Variants in ATG7 observed in about 807,000 individuals in gnomAD.
ATG7 encodes the protein autophagy related 7, also known as ubiquitin-like modifier-activating enzyme ATG7.
ATG7 carries 70 observed loss-of-function variants against 82.4 expected under a neutral mutation model. The observed-to-expected ratio is 0.85, with a 90% CI of 0.70 to 1.04. ATG7 has a LOEUF of 1.04. Among genes scored for constraint, ATG7 ranks in the 50% least tolerant of loss-of-function variants. ATG7 has a pLI of 0.00. For missense variants in ATG7, 792 were observed against 864.3 expected (o/e 0.92, Z 1.05); for synonymous variants, 287 against 313.0 (o/e 0.92, Z 0.88).
chr3:11,359,664 C>T (rs1043835412), intron 15 of ATG7, among the ~76,000 whole-genome samples: 2 of 152,040 alleles, frequency 1.3e-5, no homozygotes, highest in African/African-American at 4.8e-5. Flanking sequence ...CCATTGCATT[C>T]CAGCCTGGGC....
chr3:11,525,659 A>G (rs2092561626), intron 20 of ATG7, among the ~76,000 whole-genome samples: 3 of 149,474 alleles, frequency 2.0e-5, no homozygotes, highest in Admixed American at 1.3e-4. Context: ...GGTTCACACC[A>G]TTCTCCTGCC....
In ATG7 at chr3:11,282,278, A is replaced by G. The variant is rs1943200757; in HGVS notation, c.-171A>G. 1 of 152,228 alleles carries G rather than the reference A, an allele frequency of 6.6e-6. No individual in the cohort carries two copies. Among genetic ancestry groups the G allele is most frequent in the Non-Finnish European group, 1.5e-5 (1 of 68,042 alleles). 9.4% of individuals were successfully genotyped at this position (152,228 alleles called of 1,614,324 possible). A position where few individuals can be genotyped will look rare whatever the true frequency, so the allele number is the denominator to read the frequency against. On this transcript the variant is annotated 5_prime_UTR_variant, in exon 3 of 21. Transcript: ENST00000693202. ...GGACACCAGATTGCATGTGAAGGTGAAGGATATTATAGCAGAAGGAAACCA... is the reference window on the plus strand; with the variant it reads ...GGACACCAGATTGCATGTGAAGGTGGAGGATATTATAGCAGAAGGAAACCA...
chr3:11,327,585 C>T (rs545501806), intron 9 of ATG7, among the ~76,000 whole-genome samples: 26 of 152,326 alleles, frequency 1.7e-4, no homozygotes, highest in African/African-American at 6.3e-4. Flanking sequence ...GAAATTGCTG[C>T]AGACAATCAA....
intron 20 of ATG7, among the ~76,000 whole-genome samples, chr3:11,505,576 AC>A (rs1487609176): frequency 1.1e-4 from 17 of 152,226 alleles, no homozygotes; most frequent in Non-Finnish European, 1.3e-4. Context: ...AGCGTCCTTT[AC>A]AAGTCCTTAC....
At chr3:11,575,186 C>T in the ATG7 span, among the ~76,000 whole-genome samples, 1 of 152,126 alleles carries the variant, frequency 6.6e-6, no homozygotes, top group Admixed American at 6.5e-5. Flanking sequence ...CTGCCAATGC[C>T]CGGAGGGTTT....
chr3:11,545,694 T>C (rs1018513610), intron 20 of ATG7, among the ~76,000 whole-genome samples: 1 of 152,234 alleles, frequency 6.6e-6, no homozygotes, highest in African/African-American at 2.4e-5. Flanking sequence ...GGCCTAGCTC[T>C]CCTGGGCGTG....
At chr3:11,471,080 T>TG (rs1233378307) in intron 20 of ATG7, among the ~76,000 whole-genome samples, 1 of 152,114 alleles carries the variant, frequency 6.6e-6, no homozygotes. Context: ...GCCCAGCCCT[T>TG]AGTCTCTGTC....
At chr3:11,534,369 T>G (rs2092749853) in intron 20 of ATG7, among the ~76,000 whole-genome samples, 1 of 152,254 alleles carries the variant, frequency 6.6e-6, no homozygotes, top group Non-Finnish European at 1.5e-5. Context: ...AAGGGCATGA[T>G]GGGCGTCGCC....
At chr3:11,300,642 AT>A (rs1474532339) in intron 5 of ATG7, among the ~76,000 whole-genome samples, 1 of 152,216 alleles carries the variant, frequency 6.6e-6, no homozygotes, top group Non-Finnish European at 1.5e-5. Flanking sequence ...GAGAAAGAGA[AT>A]AAAGATAGTC....
At chr3:11,490,804 C>G (rs1272365302) in intron 20 of ATG7, among the ~76,000 whole-genome samples, 2 of 152,238 alleles carry the variant, frequency 1.3e-5, no homozygotes, top group African/African-American at 4.8e-5. Context: ...TTGGCCCCCA[C>G]TCTCTTCTGG....
At chr3:11,396,118 GAAAAA>G (rs1553641953) in intron 19 of ATG7, among the ~76,000 whole-genome samples, 1 of 144,422 alleles carries the variant, frequency 6.9e-6, no homozygotes, top group Non-Finnish European at 1.5e-5. Flanking sequence ...AGAAGTATAG[GAAAAA>G]AAAAAAAGTA....
At chr3:11,314,975 G>A (rs1474270090) in intron 8 of ATG7, among the ~76,000 whole-genome samples, 1 of 152,104 alleles carries the variant, frequency 6.6e-6, no homozygotes, top group African/African-American at 2.4e-5. Flanking sequence ...TCTCAGTAAA[G>A]CTGTTGAAGA....
At chr3:11,455,440 G>T (rs929372781) in intron 20 of ATG7, among the ~76,000 whole-genome samples, 1 of 152,104 alleles carries the variant, frequency 6.6e-6, no homozygotes, top group East Asian at 1.9e-4. Context: ...GTCCACATTT[G>T]GTGGTCCACT....
downstream of ATG7, chr3:11,558,854 TCAGACACAGGTGGCTGCAGA>T: frequency 6.2e-7 from 1 of 1,606,608 alleles, no homozygotes; most frequent in Non-Finnish European, 8.5e-7. Flanking sequence ...AGGCAGGCAG[TCAGACACAGGTGGCTGCAGA>T]CAGACAGGCA....
At chr3:11,374,555 C>A (rs552685889) in intron 18 of ATG7, among the ~76,000 whole-genome samples, 1 of 152,058 alleles carries the variant, frequency 6.6e-6, no homozygotes, top group African/African-American at 2.4e-5. Flanking sequence ...AAAGACCAAG[C>A]AATGTAAGAA....
At chr3:11,404,244 T>C (rs1195059406) in intron 19 of ATG7, among the ~76,000 whole-genome samples, 1 of 150,848 alleles carries the variant, frequency 6.6e-6, no homozygotes, top group Non-Finnish European at 1.5e-5. Context: ...CAAGTGATTG[T>C]CCTGCCTCAG....
At chr3:11,410,245 T>C (rs2080766389) in intron 19 of ATG7, among the ~76,000 whole-genome samples, 1 of 152,192 alleles carries the variant, frequency 6.6e-6, no homozygotes, top group Admixed American at 6.5e-5. Flanking sequence ...CTCTCAGCAG[T>C]AGTTCTCCAT....
At chr3:11,458,695 A>G (rs1327958685) in intron 20 of ATG7, among the ~76,000 whole-genome samples, 5 of 152,224 alleles carry the variant, frequency 3.3e-5, no homozygotes, top group African/African-American at 1.2e-4. Flanking sequence ...CTGTAATTCT[A>G]TGAAAATAAA....
At chr3:11,474,445 C>A (rs1382335548) in intron 20 of ATG7, among the ~76,000 whole-genome samples, 1 of 152,100 alleles carries the variant, frequency 6.6e-6, no homozygotes, top group African/African-American at 2.4e-5. Flanking sequence ...ACAAAAAATA[C>A]AAAAATTAGC....
Sources: gnomAD v4.1 joint callset for allele counts (sites outside exome capture counted in the v4.1 genomes callset) on GRCh38, gnomAD v4.1.1 for gene constraint, MANE v1.5 for transcripts, NCBI Gene and HGNC (gene_info 2026-07-23, HGNC 2026-07-21) for gene names.